ADCY2: variants seen among roughly 807,000 people sequenced by gnomAD.
The protein encoded by ADCY2 is adenylate cyclase 2.
Under a neutral mutation model 125.2 loss-of-function variants are expected in ADCY2, and 31 were observed. That is an observed-to-expected ratio of 0.25 (90% CI 0.19 to 0.33). The LOEUF (loss-of-function observed/expected upper bound fraction) is 0.33. ADCY2 is among the 10% of genes least tolerant of loss of function. The pLI, the probability that ADCY2 is intolerant of heterozygous loss-of-function variation, is 1.00. For synonymous variants in ADCY2, 512 were observed against 548.4 expected, an observed-to-expected ratio of 0.93 and a Z score of 0.93; for missense variants, 904 against 1,418.2, an observed-to-expected ratio of 0.64 and a Z score of 5.82.
intron 3 of ADCY2, among the ~76,000 whole-genome samples, chr5:7,576,026 GA>G (rs1186406548): frequency 6.6e-6 from 1 of 152,192 alleles, no homozygotes; most frequent in Non-Finnish European, 1.5e-5. Context: ...TATTTAGACT[GA>G]AATATTTTGA....
rs7712636 is a variant in ADCY2 at position 7,417,074 on chromosome 5, C to T, written c.408+2304C>T. On this transcript the variant is annotated intron_variant, in intron 2 of 24. Coordinates refer to ENST00000338316, the MANE Select transcript of ADCY2 (RefSeq NM_020546.3). The stretch of plus-strand genomic sequence containing the variant: ...AAAGCCTAAGAATTAATGAAAGGGT[C>T]GTGTATAAAACATCCAGAAATATGC... 2.0e-5 allele frequency among the ~76,000 whole-genome samples: 3 copies of T among 151,904 alleles called. No individual in the cohort carries two copies. In the East Asian group the frequency reaches 5.8e-4, roughly 29 times the overall value.
chr5:7,555,782 A>G (rs1735490129), intron 3 of ADCY2, among the ~76,000 whole-genome samples: 2 of 151,852 alleles, frequency 1.3e-5, no homozygotes, highest in Non-Finnish European at 2.9e-5. Flanking sequence ...TTTCATAATG[A>G]GACTTAATTT....
At chr5:7,820,770 C>G in intron 24 of ADCY2, 81 bp downstream of exon 24, 2 of 1,436,590 alleles carry the variant, frequency 1.4e-6, no homozygotes, top group South Asian at 1.6e-5. Flanking sequence ...AATAAGGATA[C>G]TAATATATTA....
chr5:7,502,023 A>G (rs937735669), intron 2 of ADCY2, among the ~76,000 whole-genome samples: 1 of 152,180 alleles, frequency 6.6e-6, no homozygotes, highest in African/African-American at 2.4e-5. Flanking sequence ...GAAGGAAACC[A>G]GACACAACCA....
At chr5:7,633,449 A>G (rs911430837) in intron 4 of ADCY2, among the ~76,000 whole-genome samples, 1 of 152,062 alleles carries the variant, frequency 6.6e-6, no homozygotes, top group African/African-American at 2.4e-5. Flanking sequence ...AAAAAGAAAA[A>G]GAAAAAATAT....
intron 2 of ADCY2, among the ~76,000 whole-genome samples, chr5:7,509,109 C>T (rs1026561923): frequency 5.3e-5 from 8 of 152,128 alleles, no homozygotes; most frequent in Admixed American, 4.6e-4. Flanking sequence ...AATCAGTGGA[C>T]AAGTTTGGAA....
At position 7,706,711 on chromosome 5, in the gene ADCY2, A is replaced by G. The variant is rs762581134; in HGVS notation, c.1110-33A>G. Reference sequence around the variant, plus strand: ...AGAGTTAAAGGAAACAGTGGATGTTACTTGATCATGATCTTACTTCCCTTC... The same window carrying G: ...AGAGTTAAAGGAAACAGTGGATGTTGCTTGATCATGATCTTACTTCCCTTC... On this transcript the variant is annotated intron_variant, in intron 7 of 24. Transcript: ENST00000338316. 5.0e-6 allele frequency: 8 copies of G among 1,610,092 alleles called. No homozygotes were observed. The Admixed American group carries it at 1.2e-4, about 24-fold the overall frequency.
intron 12 of ADCY2, among the ~76,000 whole-genome samples, chr5:7,719,024 T>G (rs1294204909): frequency 6.6e-6 from 1 of 152,216 alleles, no homozygotes; most frequent in Non-Finnish European, 1.5e-5. Context: ...TTTTAAAAAC[T>G]AATTCCTAAA....
At chr5:7,542,143 C>T (rs1457221358) in intron 3 of ADCY2, among the ~76,000 whole-genome samples, 1 of 152,144 alleles carries the variant, frequency 6.6e-6, no homozygotes, top group African/African-American at 2.4e-5. Context: ...AGAATCTGAA[C>T]TTAGACAGGC....
At chr5:7,748,969 A>G (rs1160326971) in intron 15 of ADCY2, among the ~76,000 whole-genome samples, 1 of 152,134 alleles carries the variant, frequency 6.6e-6, no homozygotes, top group Admixed American at 6.5e-5. Context: ...TTGGAACCTT[A>G]TAGTAGAAGC....
chr5:7,688,053 AAAT>A, intron 4 of ADCY2, among the ~76,000 whole-genome samples: 1 of 16,136 alleles, frequency 6.2e-5, no homozygotes. Context: ...TGGGATTTCC[AAAT>A]AGATAGCCTA....
At chr5:7,799,098 G>T (rs1192691336) in intron 20 of ADCY2, 1 of 152,230 alleles carries the variant, frequency 6.6e-6, no homozygotes, top group East Asian at 1.9e-4. Flanking sequence ...GTGAATGAAT[G>T]TTGAGGAGAC....
Position 7,623,986 on chromosome 5 carries a change from C to A in ADCY2, c.571-2181C>A, listed in dbSNP as rs1025088204. Among the ~76,000 whole-genome samples the A allele has an allele frequency of 2.0e-5, 3 of 152,118 alleles. No individual in the cohort carries two copies. The East Asian group carries it at 5.8e-4, about 29-fold the overall frequency. The stretch of plus-strand genomic sequence containing the variant: ...CATAACTGGACATTATGGGGGTTAG[C>A]TCTAAGAATGTGGGTGCGTTTTAGG... On this transcript the variant is annotated intron_variant, in intron 3 of 24. Transcript: ENST00000338316.
intron 3 of ADCY2, among the ~76,000 whole-genome samples, chr5:7,618,579 C>A (rs1737843937): frequency 6.6e-6 from 1 of 152,118 alleles, no homozygotes; most frequent in African/African-American, 2.4e-5. Context: ...AAACTAAATA[C>A]CTGTCAGCTT....
At chr5:7,720,461 A>G (rs1037550234) in intron 12 of ADCY2, among the ~76,000 whole-genome samples, 22 of 148,378 alleles carry the variant, frequency 1.5e-4, no homozygotes, top group South Asian at 2.1e-4. Flanking sequence ...GGTTTGTTAC[A>G]TGTGTATACA....
chr5:7,484,545 CTT>C (rs1436942973), intron 2 of ADCY2, among the ~76,000 whole-genome samples: 14 of 152,214 alleles, frequency 9.2e-5, no homozygotes, highest in Non-Finnish European at 2.1e-4. Flanking sequence ...TCTCTCCTCT[CTT>C]TGTCTATTCT....
intron 4 of ADCY2, among the ~76,000 whole-genome samples, chr5:7,626,640 AGC>A (rs1738136987): frequency 1.3e-5 from 2 of 152,206 alleles, no homozygotes; most frequent in South Asian, 4.1e-4. Context: ...GGGATCACTT[AGC>A]GAGAGAGGAA....
chr5:7,758,724 G>C (rs1385116418), intron 16 of ADCY2, among the ~76,000 whole-genome samples: 1 of 11,708 alleles, frequency 8.5e-5, no homozygotes, highest in Non-Finnish European at 6.9e-4. Context: ...GGCATGAGGG[G>C]AAGGGAGAGC....
At chr5:7,414,833 G>A in intron 2 of ADCY2, 63 bp downstream of exon 2, 1 of 1,428,668 alleles carries the variant, frequency 7.0e-7, no homozygotes, top group Admixed American at 2.6e-5. Flanking sequence ...ACTTAGTTCT[G>A]TAAACAACTT....
Sources: allele counts gnomAD v4.1 joint callset (sites outside exome capture counted in the v4.1 genomes callset), GRCh38; gene constraint gnomAD v4.1.1; transcripts MANE v1.5; gene names NCBI Gene and HGNC (gene_info 2026-07-23, HGNC 2026-07-21).